WWP2: variants seen among roughly 807,000 people sequenced by gnomAD.
WWP2 encodes WW domain containing E3 ubiquitin protein ligase 2.
WWP2 carries 57 observed loss-of-function variants against 121.0 expected under a neutral mutation model. That is an observed-to-expected ratio of 0.47 (90% CI 0.38 to 0.59). The LOEUF is 0.59. Among genes scored for constraint, WWP2 ranks in the 20% least tolerant of loss-of-function variants. The pLI is 0.00. For synonymous variants in WWP2, 449 were observed against 441.3 expected (o/e 1.02, Z -0.22); for missense variants, 962 against 1,158.9 (o/e 0.83, Z 2.47).
At chr16:69,908,492 G>C (rs1171087915) in intron 8 of WWP2, among the ~76,000 whole-genome samples, 1 of 152,216 alleles carries the variant, frequency 6.6e-6, no homozygotes, top group African/African-American at 2.4e-5. Flanking sequence ...ATATATTCCT[G>C]TCAGTCATTT....
chr16:69,784,912 A>G (rs1209320050), intron 1 of WWP2, among the ~76,000 whole-genome samples: 3 of 152,004 alleles, frequency 2.0e-5, no homozygotes, highest in African/African-American at 7.3e-5. Flanking sequence ...GTTACCAATG[A>G]TAAAATATGA....
rs1307645836 is a variant in WWP2 at position 69,940,700 on chromosome 16, A to C, written c.*760A>C. The C allele has an allele frequency of 6.6e-6, 1 of 152,314 alleles. No individual in the cohort carries two copies. The highest frequency in any genetic ancestry group is 1.5e-5 in the Non-Finnish European group (1 of 68,052). 9.4% of individuals were successfully genotyped at this position (152,314 alleles called of 1,614,324 possible). ...CTTTCTGTCCAGGAGCTGGCACCCC[A>C]GGTGTTCTGAGACCTTGAGGGACCC... On this transcript the variant is annotated 3_prime_UTR_variant, in exon 24 of 24. Transcript: ENST00000359154.
rs948574947 is a variant in WWP2 at position 69,778,872 on chromosome 16, C to T, written c.-15-8124C>T. Among the ~76,000 whole-genome samples, 5 of 151,386 alleles carry T rather than the reference C, an allele frequency of 3.3e-5. No individual in the cohort carries two copies. In the Admixed American group the frequency reaches 3.3e-4, roughly 10 times the overall value. Reference sequence around the variant, plus strand: ...GCCAGGCTGGTCTTGAACTCCTGCCCTCAAGTGATCCGCATGCCTGAGCCT... The same window carrying T: ...GCCAGGCTGGTCTTGAACTCCTGCCTTCAAGTGATCCGCATGCCTGAGCCT... On this transcript the variant is annotated intron_variant, in intron 1 of 23. Transcript: ENST00000359154.
chr16:69,895,150 G>A (rs755962010), intron 8 of WWP2: 1 of 152,202 alleles, frequency 6.6e-6, no homozygotes, highest in African/African-American at 2.4e-5. Flanking sequence ...CGACAGCCTT[G>A]TAAGAGTTCT....
rs142028468 is a variant in WWP2 at position 69,804,397 on chromosome 16, A to AT, written c.340+5109dup. ...CCCAGTACAAATAGGGATCTAATTC[A>AT]TTTTTTTCCCTAATATGTAGCTGAT... On this transcript the variant is annotated intron_variant, in intron 4 of 23. Transcript: ENST00000359154. Among the ~76,000 whole-genome samples the AT allele has an allele frequency of 2.0e-4, 31 of 152,178 alleles. No individual in the cohort carries two copies. In the East Asian group the frequency reaches 4.8e-3, roughly 24 times the overall value.
intron 11 of WWP2, among the ~76,000 whole-genome samples, chr16:69,927,320 T>C (rs2058653916): frequency 6.6e-6 from 1 of 152,000 alleles, no homozygotes; most frequent in South Asian, 2.1e-4. Flanking sequence ...CCCAGCCTGC[T>C]GGTGTCCCTC....
chr16:69,898,079 G>T (rs1475930114), intron 8 of WWP2, among the ~76,000 whole-genome samples: 1 of 133,878 alleles, frequency 7.5e-6, no homozygotes, highest in Non-Finnish European at 1.5e-5. Context: ...AGGCTGGAGT[G>T]TGCAGTGGCA....
At position 69,940,598 on chromosome 16, in the gene WWP2, TC is replaced by T. The variant is rs1029560445; in HGVS notation, c.*661del. 1.3e-5 allele frequency: 2 copies of T among 152,392 alleles called. No homozygotes were observed. Among genetic ancestry groups the T allele is most frequent in the Non-Finnish European group, 2.9e-5 (2 of 68,174 alleles). 9.4% of individuals were successfully genotyped at this position (152,392 alleles called of 1,614,324 possible). On this transcript the variant is annotated 3_prime_UTR_variant, in exon 24 of 24. Transcript: ENST00000359154. Reference sequence around the variant, plus strand: ...TATCCACGGGACAAAAACAGCAAACTCCCTCAGACTTTGTCCATGTATAAAC... The same window carrying T: ...TATCCACGGGACAAAAACAGCAAACTCCTCAGACTTTGTCCATGTATAAAC...
intron 1 of WWP2, among the ~76,000 whole-genome samples, chr16:69,770,208 G>A (rs1463973295): frequency 6.6e-6 from 1 of 152,100 alleles, no homozygotes; most frequent in East Asian, 1.9e-4. Context: ...GGGGACTCCT[G>A]GATAGTCTCA....
chr16:69,917,167 A>C (rs1397012193), intron 9 of WWP2, among the ~76,000 whole-genome samples: 1 of 152,266 alleles, frequency 6.6e-6, no homozygotes, highest in Non-Finnish European at 1.5e-5. Context: ...CATGTAACTG[A>C]AAATTCTAGA....
chr16:69,917,476 CAG>C, intron 9 of WWP2: 1 of 443,074 alleles, frequency 2.3e-6, no homozygotes, highest in Non-Finnish European at 4.0e-6. Flanking sequence ...AGGTTGGGAA[CAG>C]AGTCAGCTTC....
In WWP2 at chr16:69,931,999, C is replaced by A. The variant is rs2058722852; in HGVS notation, c.1682+109C>A. 16 of 1,082,970 alleles carry A rather than the reference C, an allele frequency of 1.5e-5. No homozygotes were observed. The South Asian group carries it at 2.2e-4, about 15-fold the overall frequency. The allele number at this position is 1,082,970 out of a possible 1,614,324, so 67.1% of individuals were successfully genotyped here. On this transcript the variant is annotated intron_variant, in intron 16 of 23. Transcript: ENST00000359154. ...TGCTCACATTCCCTCCCAAAGCTCTCATGCATCTTCAGGAATGGGCACAGT... is the reference window on the plus strand; with the variant it reads ...TGCTCACATTCCCTCCCAAAGCTCTAATGCATCTTCAGGAATGGGCACAGT...
At chr16:69,765,129 G>C (rs1156492672) in intron 1 of WWP2, among the ~76,000 whole-genome samples, 2 of 152,038 alleles carry the variant, frequency 1.3e-5, no homozygotes, top group African/African-American at 4.8e-5. Context: ...CTGGGGAGGT[G>C]GAGGCTGCAG....
At chr16:69,912,593 G>T (rs1037253770) in intron 9 of WWP2, among the ~76,000 whole-genome samples, 2 of 151,944 alleles carry the variant, frequency 1.3e-5, no homozygotes, top group African/African-American at 4.8e-5. Flanking sequence ...GTTTGTTTTT[G>T]CTGGGGAAAG....
At chr16:69,845,767 AG>A (rs982511307) in intron 6 of WWP2, among the ~76,000 whole-genome samples, 1 of 151,966 alleles carries the variant, frequency 6.6e-6, no homozygotes, top group Non-Finnish European at 1.5e-5. Flanking sequence ...AATCAGATGA[AG>A]CCTGGGCGTG....
At chr16:69,800,912 G>T (rs1232550037) in intron 4 of WWP2, among the ~76,000 whole-genome samples, 2 of 149,834 alleles carry the variant, frequency 1.3e-5, no homozygotes, top group African/African-American at 2.4e-5. Context: ...ATGGCCGGGG[G>T]TGGTAGCTCA....
At chr16:69,800,138 A>G (rs1317118614) in intron 4 of WWP2, among the ~76,000 whole-genome samples, 2 of 151,470 alleles carry the variant, frequency 1.3e-5, no homozygotes, top group Non-Finnish European at 2.9e-5. Context: ...CTTTTAAGCG[A>G]TGGGCCACTT....
chr16:69,767,435 G>C (rs1248342011), intron 1 of WWP2, among the ~76,000 whole-genome samples: 3 of 152,180 alleles, frequency 2.0e-5, no homozygotes, highest in Non-Finnish European at 2.9e-5. Context: ...AGTGAGATGG[G>C]TGGAGTGGCT....
chr16:69,872,841 C>T (rs1212289820), intron 7 of WWP2, among the ~76,000 whole-genome samples: 1 of 152,220 alleles, frequency 6.6e-6, no homozygotes. Context: ...CGGGAAGGAC[C>T]TATTTCAAAA....
Sources: gnomAD v4.1 joint callset for allele counts (sites outside exome capture counted in the v4.1 genomes callset) on GRCh38, gnomAD v4.1.1 for gene constraint, MANE v1.5 for transcripts, NCBI Gene and HGNC (gene_info 2026-07-23, HGNC 2026-07-21) for gene names.